STX8: variants seen among roughly 807,000 people sequenced by gnomAD.
STX8 encodes the protein syntaxin 8, also known as syntaxin-8.
Under a neutral mutation model 37.5 loss-of-function variants are expected in STX8, and 23 were observed. The observed-to-expected ratio is 0.61, with a 90% CI of 0.44 to 0.87. STX8 has a LOEUF of 0.87. Ranked by LOEUF, STX8 falls within the 40% of genes least tolerant of loss-of-function variation. The pLI, the probability that STX8 is intolerant of heterozygous loss-of-function variation, is 0.00. For missense variants in STX8, 313 were observed against 284.7 expected (o/e 1.10, Z -0.71); for synonymous variants, 115 against 99.1 (o/e 1.16, Z -0.95).
intron 6 of STX8, among the ~76,000 whole-genome samples, chr17:9,396,332 G>C (rs758943472): frequency 4.0e-5 from 6 of 150,404 alleles, no homozygotes; most frequent in African/African-American, 9.8e-5. Context: ...TGGGAGAAAG[G>C]GGGGAGTGAT....
At chr17:9,256,920 C>T (rs1459291239) in intron 7 of STX8, among the ~76,000 whole-genome samples, 1 of 152,190 alleles carries the variant, frequency 6.6e-6, no homozygotes, top group Non-Finnish European at 1.5e-5. Context: ...CATTTCAGAA[C>T]AAGGAAAGAC....
At chr17:9,492,117 G>C (rs1318012809) in intron 5 of STX8, among the ~76,000 whole-genome samples, 196 bp from the exon 6 acceptor site, 3 of 151,892 alleles carry the variant, frequency 2.0e-5, no homozygotes, top group Non-Finnish European at 4.4e-5. Context: ...ATTTCCAAAA[G>C]AATTAAGATT....
At chr17:9,353,177 G>A (rs985829597) in intron 7 of STX8, among the ~76,000 whole-genome samples, 16 of 152,294 alleles carry the variant, frequency 1.1e-4, no homozygotes, top group Non-Finnish European at 1.8e-4. Flanking sequence ...GGGATTACAG[G>A]CATGACTGCC....
At chr17:9,336,798 G>C (rs1310590629) in intron 7 of STX8, among the ~76,000 whole-genome samples, 1 of 152,084 alleles carries the variant, frequency 6.6e-6, no homozygotes, top group African/African-American at 2.4e-5. Flanking sequence ...AAAAGCTTCA[G>C]GGTGAAATGG....
intron 6 of STX8, among the ~76,000 whole-genome samples, chr17:9,433,920 A>T (rs1914059967): frequency 6.6e-6 from 1 of 152,182 alleles, no homozygotes; most frequent in South Asian, 2.1e-4. Context: ...AGAAGAAGGT[A>T]AGGAGTGGTG....
chr17:9,333,610 G>T (rs192337821), intron 7 of STX8, among the ~76,000 whole-genome samples: 12 of 152,060 alleles, frequency 7.9e-5, no homozygotes, highest in Non-Finnish European at 1.0e-4. Context: ...AGGATGGTCT[G>T]GATCTCCTGA....
At chr17:9,447,414 GA>G (rs1904888155) in intron 6 of STX8, among the ~76,000 whole-genome samples, 1 of 152,138 alleles carries the variant, frequency 6.6e-6, no homozygotes, top group African/African-American at 2.4e-5. Flanking sequence ...AGATTTTGAG[GA>G]GTTGTTCTTT....
intron 4 of STX8, among the ~76,000 whole-genome samples, chr17:9,536,335 A>G (rs570703346): frequency 6.6e-5 from 10 of 152,314 alleles, no homozygotes; most frequent in Admixed American, 2.0e-4. Context: ...GGAAATGAAG[A>G]GACAGCAACT....
At chr17:9,287,259 C>T (rs1001902451) in intron 7 of STX8, among the ~76,000 whole-genome samples, 4 of 152,102 alleles carry the variant, frequency 2.6e-5, no homozygotes, top group African/African-American at 9.7e-5. Context: ...TCAGGTTCTC[C>T]TGCAGGTGAG....
chr17:9,539,845 A>G (rs1030282763), intron 4 of STX8, among the ~76,000 whole-genome samples: 2 of 152,212 alleles, frequency 1.3e-5, no homozygotes, highest in African/African-American at 4.8e-5. Flanking sequence ...AGAGAAAGGA[A>G]TGAGTTTCTC....
At chr17:9,444,143 T>TTCTC (rs1255114738) in intron 6 of STX8, among the ~76,000 whole-genome samples, 1 of 84,548 alleles carries the variant, frequency 1.2e-5, no homozygotes, top group Non-Finnish European at 2.7e-5. Flanking sequence ...TCGCACATTC[T>TTCTC]TCTCTCTTTC....
intron 6 of STX8, among the ~76,000 whole-genome samples, chr17:9,409,856 T>G (rs1912924262): frequency 6.6e-6 from 1 of 152,206 alleles, no homozygotes; most frequent in Non-Finnish European, 1.5e-5. Context: ...ACTAAAACAG[T>G]CTGTACAAAA....
At chr17:9,450,585 G>A (rs566672074) in intron 6 of STX8, among the ~76,000 whole-genome samples, 8 of 151,748 alleles carry the variant, frequency 5.3e-5, no homozygotes, top group East Asian at 1.9e-4. Context: ...ATGCAGCTGC[G>A]CCTGACTTCC....
At chr17:9,372,508 T>C (rs919391480) in intron 7 of STX8, among the ~76,000 whole-genome samples, 1 of 152,016 alleles carries the variant, frequency 6.6e-6, no homozygotes, top group African/African-American at 2.4e-5. Flanking sequence ...GATGGAGTCA[T>C]GCTTTTTTGC....
chr17:9,315,964 G>A (rs766400600), intron 7 of STX8, among the ~76,000 whole-genome samples: 1 of 151,332 alleles, frequency 6.6e-6, no homozygotes, highest in Non-Finnish European at 1.5e-5. Context: ...CAAGTGAGCC[G>A]AGATCACGCC....
At chr17:9,509,563 G>A (rs976264194) in intron 4 of STX8, among the ~76,000 whole-genome samples, 3 of 152,032 alleles carry the variant, frequency 2.0e-5, no homozygotes, top group African/African-American at 7.2e-5. Flanking sequence ...ATCTGGAAGT[G>A]AAAAGATCAT....
At chr17:9,345,321 T>G (rs529705920) in intron 7 of STX8, among the ~76,000 whole-genome samples, 41 of 152,248 alleles carry the variant, frequency 2.7e-4, no homozygotes, top group African/African-American at 7.0e-4. Flanking sequence ...GGCTAATTTT[T>G]GTATTTTTAT....
At chr17:9,414,007 T>C (rs1567549597) in intron 6 of STX8, among the ~76,000 whole-genome samples, 2 of 145,132 alleles carry the variant, frequency 1.4e-5, no homozygotes, top group Non-Finnish European at 1.5e-5. Flanking sequence ...CCTACCCATC[T>C]GTCCATCCAT....
intron 7 of STX8, among the ~76,000 whole-genome samples, chr17:9,269,604 C>A (rs1255181707): frequency 6.6e-6 from 1 of 152,214 alleles, no homozygotes; most frequent in African/African-American, 2.4e-5. Flanking sequence ...AGATAGACAA[C>A]CCAAAAGGTC....
Sources: gnomAD v4.1 joint callset for allele counts (sites outside exome capture counted in the v4.1 genomes callset) on GRCh38, gnomAD v4.1.1 for gene constraint, MANE v1.5 for transcripts, NCBI Gene and HGNC (gene_info 2026-07-23, HGNC 2026-07-21) for gene names.